B3GALT5: variants seen among roughly 807,000 people sequenced by gnomAD.
The protein encoded by B3GALT5 is beta-1,3-galactosyltransferase 5.
For synonymous variants in B3GALT5, 156 were observed against 158.6 expected, an observed-to-expected ratio of 0.98 and a Z score of 0.12; for missense variants, 328 against 396.6, an observed-to-expected ratio of 0.83 and a Z score of 1.47.
chr21:39,618,314 T>C (rs2079117621), intron 1 of B3GALT5, among the ~76,000 whole-genome samples: 1 of 152,218 alleles, frequency 6.6e-6, no homozygotes, highest in African/African-American at 2.4e-5. Context: ...TTAGAGTACA[T>C]ACCTAGAAAA....
intron 1 of B3GALT5, among the ~76,000 whole-genome samples, chr21:39,621,577 A>G (rs1372966493): frequency 1.3e-5 from 2 of 151,886 alleles, no homozygotes; most frequent in Non-Finnish European, 2.9e-5. Context: ...CTGATGACAG[A>G]TTCATTGTTT....
intron 1 of B3GALT5, chr21:39,630,587 C>T (rs1455556791): frequency 6.6e-6 from 1 of 152,094 alleles, no homozygotes; most frequent in Non-Finnish European, 1.5e-5. Context: ...TGGTGAAATA[C>T]ACAAGGGGAT....
At position 39,638,156 on chromosome 21, in the gene B3GALT5, C is replaced by G. The variant is rs561577357; in HGVS notation, c.-391-8236C>G. Among the ~76,000 whole-genome samples, 13 of 152,252 alleles carry G rather than the reference C, an allele frequency of 8.5e-5. No homozygotes were observed. The East Asian group carries it at 2.3e-3, about 27-fold the overall frequency. ...CGTGGTCCCTGGTTAGGGCTCCATCCCTAGGCCTGTGCCCACGAACCTAGG... is the reference window on the plus strand; with the variant it reads ...CGTGGTCCCTGGTTAGGGCTCCATCGCTAGGCCTGTGCCCACGAACCTAGG... On this transcript the variant is annotated intron_variant, in intron 1 of 3. Coordinates refer to ENST00000684187, the MANE Select transcript of B3GALT5 (RefSeq NM_001356336.2).
At chr21:39,620,024 C>T (rs2079126189) in intron 1 of B3GALT5, among the ~76,000 whole-genome samples, 1 of 152,104 alleles carries the variant, frequency 6.6e-6, no homozygotes, top group Non-Finnish European at 1.5e-5. Flanking sequence ...ACAGTATTCA[C>T]TATGTTGGCC....
intron 2 of B3GALT5, among the ~76,000 whole-genome samples, chr21:39,655,850 A>C (rs1184089197): frequency 1.3e-5 from 2 of 152,130 alleles, no homozygotes; most frequent in Non-Finnish European, 2.9e-5. Context: ...TTTCCAGTGG[A>C]GAAGCATCGT....
chr21:39,647,513 A>T (rs2079352656), intron 2 of B3GALT5, among the ~76,000 whole-genome samples: 2 of 150,396 alleles, frequency 1.3e-5, no homozygotes, highest in Non-Finnish European at 3.0e-5. Flanking sequence ...GAATTTTTGT[A>T]TTTTTTGTAG....
intron 1 of B3GALT5, among the ~76,000 whole-genome samples, chr21:39,644,661 T>A (rs609145): frequency 0.53 from 81,363 of 152,094 alleles, 21,874 homozygotes; most frequent in South Asian, 0.6. Flanking sequence ...GTGTTCTTGT[T>A]ATGCACAAGG....
intron 1 of B3GALT5, among the ~76,000 whole-genome samples, chr21:39,619,222 C>T (rs2079122348): frequency 1.3e-5 from 2 of 152,100 alleles, no homozygotes; most frequent in African/African-American, 4.8e-5. Flanking sequence ...ATCAAAGGTG[C>T]CAGCCTGATC....
At chr21:39,636,220 G>A (rs1247467368) in intron 1 of B3GALT5, among the ~76,000 whole-genome samples, 1 of 152,190 alleles carries the variant, frequency 6.6e-6, no homozygotes, top group Non-Finnish European at 1.5e-5. Flanking sequence ...AGAATTTAAT[G>A]CAGTGCTTGA....
chr21:39,625,517 G>A (rs1366636962), intron 1 of B3GALT5, among the ~76,000 whole-genome samples: 2 of 152,188 alleles, frequency 1.3e-5, no homozygotes, highest in Non-Finnish European at 2.9e-5. Flanking sequence ...CTATGTGCAG[G>A]CATTTGCAGC....
intron 1 of B3GALT5, among the ~76,000 whole-genome samples, chr21:39,621,388 A>G (rs1446633226): frequency 6.6e-6 from 1 of 151,206 alleles, no homozygotes; most frequent in East Asian, 1.9e-4. Context: ...CAAAAGAGAT[A>G]TTGTTCATAA....
chr21:39,645,527 C>T (rs1343427711), intron 1 of B3GALT5, among the ~76,000 whole-genome samples: 1 of 152,164 alleles, frequency 6.6e-6, no homozygotes, highest in Non-Finnish European at 1.5e-5. Context: ...GGGACTGCCC[C>T]AGCAGTGGTT....
chr21:39,639,462 T>TTCTC (rs1555926237), intron 1 of B3GALT5, among the ~76,000 whole-genome samples: 3,117 of 132,364 alleles, frequency 0.024, 201 homozygotes, highest in African/African-American at 0.077. Flanking sequence ...CTTTTTTTCT[T>TTCTC]TCTCTCTCTC....
At chr21:39,633,612 A>G (rs979294980) in intron 1 of B3GALT5, among the ~76,000 whole-genome samples, 1 of 152,214 alleles carries the variant, frequency 6.6e-6, no homozygotes, top group Admixed American at 6.5e-5. Flanking sequence ...TTGTATCCCC[A>G]TGGATGAATC....
chr21:39,672,800 A>C lies in B3GALT5; in HGVS notation c.*11308A>C, dbSNP rs1223461452. 2.0e-5 allele frequency: 3 copies of C among 152,128 alleles called. No homozygotes were observed. The highest frequency in any genetic ancestry group is 2.9e-5 in the Non-Finnish European group (2 of 68,024). The allele number at this position is 152,128 out of a possible 1,614,324, so 9.4% of individuals were successfully genotyped here. ...TGTACTGAACAATGTTGACATGCTTATTTTTGTAAGAGATGGGTACTTCTT... is the reference window on the plus strand; with the variant it reads ...TGTACTGAACAATGTTGACATGCTTCTTTTTGTAAGAGATGGGTACTTCTT... On this transcript the variant is annotated 3_prime_UTR_variant, in exon 4 of 4. Coordinates refer to ENST00000684187, the MANE Select transcript of B3GALT5 (RefSeq NM_001356336.2).
rs1207717002 is a variant in B3GALT5 at position 39,672,260 on chromosome 21, A to T, written c.*10768A>T. On this transcript the variant is annotated 3_prime_UTR_variant, in exon 4 of 4. Transcript: ENST00000684187. ...GTCCCCGAAGAGGTAAGCCAAAGAC[A>T]TAGTGATACTTGGTTCAATTCGGCT... The T allele has an allele frequency of 6.6e-6, 1 of 152,242 alleles. No individual in the cohort carries two copies. The highest frequency in any genetic ancestry group is 2.4e-5 in the African/African-American group (1 of 41,476). The allele number at this position is 152,242 out of a possible 1,614,324, so 9.4% of individuals were successfully genotyped here. A position where few individuals can be genotyped will look rare whatever the true frequency, so the allele number is the denominator to read the frequency against.
At chr21:39,624,309 G>C in intron 1 of B3GALT5, among the ~76,000 whole-genome samples, 1 of 152,142 alleles carries the variant, frequency 6.6e-6, no homozygotes, top group East Asian at 1.9e-4. Context: ...CAAAAGTTGT[G>C]TCCCTTTGTT....
chr21:39,654,589 G>A lies in B3GALT5; in HGVS notation c.-160-5164G>A, dbSNP rs527497261. ...CAATTTCAAAATAAGTTCTTCTGTG[G>A]GTAAAATGCTATCAAATGGCGTCGC... On this transcript the variant is annotated intron_variant, in intron 2 of 3. Coordinates refer to ENST00000684187, the MANE Select transcript of B3GALT5 (RefSeq NM_001356336.2). Among the ~76,000 whole-genome samples, 12 of 152,316 alleles carry A rather than the reference G, an allele frequency of 7.9e-5. No homozygotes were observed. In the East Asian group the frequency reaches 2.1e-3, roughly 27 times the overall value.
intron 1 of B3GALT5, among the ~76,000 whole-genome samples, chr21:39,634,827 A>G (rs893713685): frequency 5.3e-5 from 8 of 152,018 alleles, no homozygotes; most frequent in Non-Finnish European, 1.0e-4. Flanking sequence ...TATCAGGAAA[A>G]CAGCTCAAAG....
Sources: gnomAD v4.1 joint callset for allele counts (sites outside exome capture counted in the v4.1 genomes callset) on GRCh38, gnomAD v4.1.1 for gene constraint, MANE v1.5 for transcripts, NCBI Gene and HGNC (gene_info 2026-07-23, HGNC 2026-07-21) for gene names.